SLC25A30: variants seen among roughly 807,000 people sequenced by gnomAD.
SLC25A30 encodes the protein kidney mitochondrial carrier protein 1.
SLC25A30 carries 29 observed loss-of-function variants against 42.7 expected under a neutral mutation model. The observed-to-expected ratio is 0.68, with a 90% CI of 0.51 to 0.93. The LOEUF is 0.93. SLC25A30 is among the 40% of genes least tolerant of loss of function. SLC25A30 has a pLI of 0.00. For missense variants in SLC25A30, 300 were observed against 359.7 expected (o/e 0.83, Z 1.34); for synonymous variants, 124 against 131.0 (o/e 0.95, Z 0.37).
At chr13:45,421,046 T>C (rs1030611686), upstream of SLC25A30, among the ~76,000 whole-genome samples, 1 of 152,042 alleles carries the variant, frequency 6.6e-6, no homozygotes, top group African/African-American at 2.4e-5. Flanking sequence ...TAGGGAATAG[T>C]AACTTGGTTG....
At position 45,402,342 on chromosome 13, in the gene SLC25A30, A is replaced by G. The variant is rs1273873508; in HGVS notation, c.422T>C (p.Ile141Thr). Residue 141 changes from isoleucine to threonine, a missense_variant, in exon 6 of 10, where the codon ATT (isoleucine) becomes ACT (threonine). By Grantham distance (89) the Ile-to-Thr change is moderately conservative (BLOSUM62 -1). Transcript: ENST00000519676. ...GAAGTTGCCTATCATTCCTCCTTGA[A>G]TGGTGTTGCTTTGCGCTTGCATCCG... ...KIRMQAQSNT[I>T]QGGMIGNFMN... 6.2e-7 allele frequency: 1 copy of G among 1,614,066 alleles called. No individual in the cohort carries two copies. The highest frequency in any genetic ancestry group is 8.5e-7 in the Non-Finnish European group (1 of 1,179,982).
chr13:45,410,047 C>T (rs1325250136), intron 2 of SLC25A30, among the ~76,000 whole-genome samples: 1 of 152,182 alleles, frequency 6.6e-6, no homozygotes, highest in Non-Finnish European at 1.5e-5. Context: ...GTATTCTATC[C>T]TTGGACAGCA....
At chr13:45,407,365 C>T (rs758449435) in intron 3 of SLC25A30, among the ~76,000 whole-genome samples, 3 of 151,810 alleles carry the variant, frequency 2.0e-5, no homozygotes, top group East Asian at 1.9e-4. Context: ...CCGAGTGAAA[C>T]GCCATCTAAA....
the SLC25A30 span, among the ~76,000 whole-genome samples, chr13:45,424,508 T>A: frequency 3.2e-4 from 11 of 34,244 alleles, 2 homozygotes; most frequent in African/African-American, 6.1e-4. Flanking sequence ...TATATAAAAA[T>A]ATATATAAAT....
intron 9 of SLC25A30, 32 bp downstream of exon 9, chr13:45,397,226 T>G: frequency 2.1e-6 from 3 of 1,401,916 alleles, no homozygotes; most frequent in Non-Finnish European, 2.0e-6. Flanking sequence ...AGCTGTATCT[T>G]TTTTCAGATC....
At chr13:45,403,271 C>T (rs1882171134) in intron 5 of SLC25A30, among the ~76,000 whole-genome samples, 1 of 152,174 alleles carries the variant, frequency 6.6e-6, no homozygotes, top group Admixed American at 6.5e-5. Context: ...GTAGTGTACC[C>T]AGAATACTGC....
intron 8 of SLC25A30, 167 bp downstream of exon 8, chr13:45,398,773 A>G (rs1010979563): frequency 2.0e-5 from 11 of 548,066 alleles, no homozygotes; most frequent in African/African-American, 1.8e-4. Context: ...ACAACATTGT[A>G]TTTATAAAAG....
intron 1 of SLC25A30, among the ~76,000 whole-genome samples, chr13:45,417,044 G>A (rs1467984190): frequency 6.6e-6 from 1 of 152,040 alleles, no homozygotes; most frequent in Non-Finnish European, 1.5e-5. Context: ...GCGGAGTTTT[G>A]TTCTTATTGC....
chr13:45,419,092 C>T (rs150481373), upstream of SLC25A30, among the ~76,000 whole-genome samples: 26 of 134,106 alleles, frequency 1.9e-4, no homozygotes, highest in Non-Finnish European at 3.7e-4. Flanking sequence ...GATCGCGCCA[C>T]TGCACTCCAG....
chr13:45,399,748 A>G (rs1193264553), intron 7 of SLC25A30, among the ~76,000 whole-genome samples: 2 of 152,130 alleles, frequency 1.3e-5, no homozygotes, highest in African/African-American at 4.8e-5. Flanking sequence ...AATTCTAGCC[A>G]TATCATAATT....
At position 45,397,833 on chromosome 13, in the gene SLC25A30, A is replaced by G. The variant is rs562723964; in HGVS notation, c.754-495T>C. The G allele has an allele frequency of 2.4e-5, 23 of 956,944 alleles. 1 individual carries two copies. In the South Asian group the frequency reaches 9.1e-4, roughly 38 times the overall value. The allele number at this position is 956,944 out of a possible 1,614,324, so 59.3% of individuals were successfully genotyped here. A position where few individuals can be genotyped will look rare whatever the true frequency, so the allele number is the denominator to read the frequency against. ...GAAGACTAAGGCTCCATGCCCAACA[A>G]CCCCACACGAAGGATTGAATGAACT... On this transcript the variant is annotated intron_variant, in intron 8 of 9. Coordinates refer to ENST00000519676, the MANE Select transcript of SLC25A30 (RefSeq NM_001010875.4).
intron 5 of SLC25A30, chr13:45,402,889 T>C (rs1361613080): frequency 2.6e-6 from 2 of 768,748 alleles, no homozygotes; most frequent in East Asian, 1.3e-4. Context: ...CCTGTTACAC[T>C]CTGTTACACT....
the SLC25A30 span, among the ~76,000 whole-genome samples, chr13:45,432,866 CA>C: frequency 3.7e-5 from 5 of 136,652 alleles, no homozygotes; most frequent in Non-Finnish European, 3.2e-5. Flanking sequence ...CAGTCTCTAC[CA>C]AAAAAAAAAC....
intron 3 of SLC25A30, among the ~76,000 whole-genome samples, chr13:45,406,412 C>T (rs113512454): frequency 0.014 from 2,131 of 152,284 alleles, 44 homozygotes; most frequent in African/African-American, 0.048. Flanking sequence ...AACAAAAACA[C>T]AGGTGGGTCC....
chr13:45,419,001 G>T (rs1159558125), upstream of SLC25A30, among the ~76,000 whole-genome samples: 1 of 124,888 alleles, frequency 8.0e-6, no homozygotes, highest in Non-Finnish European at 1.6e-5. Context: ...CCTGGTGGCG[G>T]GTGCCTGTAA....
At chr13:45,429,854 C>CA in the SLC25A30 span, among the ~76,000 whole-genome samples, 1 of 149,796 alleles carries the variant, frequency 6.7e-6, no homozygotes, top group Non-Finnish European at 1.5e-5. Flanking sequence ...AAAACAAAAA[C>CA]AAAAAAACAG....
At chr13:45,405,717 A>G (rs1006604855) in intron 4 of SLC25A30, among the ~76,000 whole-genome samples, 166 bp downstream of exon 4, 69 of 152,218 alleles carry the variant, frequency 4.5e-4, no homozygotes, top group African/African-American at 1.5e-3. Flanking sequence ...AATTGAGTTG[A>G]TAACCAACTT....
chr13:45,413,432 G>A (rs1883192647), intron 1 of SLC25A30, among the ~76,000 whole-genome samples: 1 of 152,144 alleles, frequency 6.6e-6, no homozygotes. Context: ...CTTAGACCTA[G>A]CTGATTGCAG....
the SLC25A30 span, among the ~76,000 whole-genome samples, chr13:45,425,587 T>TATATATAC: frequency 2.7e-4 from 21 of 79,098 alleles, 1 homozygote; most frequent in African/African-American, 1.2e-3. Flanking sequence ...TATATATAAA[T>TATATATAC]ATATATATAC....
Sources: allele counts gnomAD v4.1 joint callset (sites outside exome capture counted in the v4.1 genomes callset), GRCh38; gene constraint gnomAD v4.1.1; transcripts MANE v1.5; gene names NCBI Gene and HGNC (gene_info 2026-07-23, HGNC 2026-07-21).